Variants in INSR observed in about 807,000 individuals in gnomAD.
INSR encodes the protein IR.
INSR carries 67 observed loss-of-function variants against 142.6 expected under a neutral mutation model. The ratio of observed to expected loss-of-function variants is 0.47; its 90% CI spans 0.39 to 0.58. INSR has a LOEUF of 0.58. INSR is among the 20% of genes least tolerant of loss of function. The pLI, the probability that INSR is intolerant of heterozygous loss-of-function variation, is 0.00. For missense variants in INSR, 1,248 were observed against 1,833.2 expected, an observed-to-expected ratio of 0.68 and a Z score of 5.83; for synonymous variants, 756 against 743.1, an observed-to-expected ratio of 1.02 and a Z score of -0.28.
chr19:7,127,454 A>G (rs1159580864), intron 15 of INSR, among the ~76,000 whole-genome samples: 1 of 152,246 alleles, frequency 6.6e-6, no homozygotes, highest in Non-Finnish European at 1.5e-5. Context: ...ATACATGTTC[A>G]AAACTCATCA....
chr19:7,215,261 T>C (rs2145084541), intron 2 of INSR, among the ~76,000 whole-genome samples: 1 of 152,328 alleles, frequency 6.6e-6, no homozygotes, highest in Admixed American at 6.5e-5. Context: ...CTTGCCCAGA[T>C]GGTCAAATGC....
chr19:7,129,046 C>T (rs1972714947), intron 14 of INSR, 92 bp from the exon 15 acceptor site: 1 of 920,914 alleles, frequency 1.1e-6, no homozygotes, highest in Non-Finnish European at 1.8e-6. Flanking sequence ...AATGGGTGGG[C>T]CACCCTGTTC....
intron 9 of INSR, among the ~76,000 whole-genome samples, chr19:7,156,522 C>A (rs1973596482): frequency 6.6e-6 from 1 of 152,010 alleles, no homozygotes; most frequent in African/African-American, 2.4e-5. Context: ...CCTCCTGGAG[C>A]ATGGAATGGG....
chr19:7,241,577 G>A lies in INSR; in HGVS notation c.652+25768C>T, dbSNP rs539788819. Among the ~76,000 whole-genome samples, 9 of 152,188 alleles carry A rather than the reference G, an allele frequency of 5.9e-5. No homozygotes were observed. The South Asian group carries it at 1.2e-3, about 21-fold the overall frequency. On this transcript the variant is annotated intron_variant, in intron 2 of 21. Coordinates refer to ENST00000302850, the MANE Select transcript of INSR (RefSeq NM_000208.4). ...GCAGAGGTTGCAGTGAGCTGAGATCGTGCCAGTGCACTCCAGCCTGGGCGA... is the reference window on the plus strand; with the variant it reads ...GCAGAGGTTGCAGTGAGCTGAGATCATGCCAGTGCACTCCAGCCTGGGCGA...
chr19:7,293,793 C>T lies in INSR; in HGVS notation c.99G>A (p.Glu33=). The change falls in exon 1 of 22, where the codon GAG becomes GAA. Residue 33 remains glutamate (E), a splice_region_variant and synonymous_variant. Coordinates refer to ENST00000302850, the MANE Select transcript of INSR (RefSeq NM_000208.4). ...LGAAGHLYPG[E]VCPGMDIRNN... Reference sequence around the variant, plus strand: ...CCACGCCCGCGCCCCCAGACTCACCCTCTCCGGGGTACAGGTGGCCCGCGG... The same window carrying T: ...CCACGCCCGCGCCCCCAGACTCACCTTCTCCGGGGTACAGGTGGCCCGCGG... 4 of 1,361,180 alleles carry T rather than the reference C, an allele frequency of 2.9e-6. No individual in the cohort carries two copies. Among genetic ancestry groups the T allele is most frequent in the African/African-American group, 1.5e-5 (1 of 66,728 alleles). The allele number at this position is 1,361,180 out of a possible 1,614,324, so 84.3% of individuals were successfully genotyped here. A position where few individuals can be genotyped will look rare whatever the true frequency, so the allele number is the denominator to read the frequency against.
intron 11 of INSR, among the ~76,000 whole-genome samples, chr19:7,143,987 G>A (rs377542179): frequency 5.3e-4 from 80 of 151,638 alleles, no homozygotes; most frequent in African/African-American, 1.7e-3. Context: ...CCCGGGAGGC[G>A]GAGGTTGCAG....
At chr19:7,261,084 C>G (rs1298768119) in intron 2 of INSR, among the ~76,000 whole-genome samples, 1 of 151,906 alleles carries the variant, frequency 6.6e-6, no homozygotes, top group Non-Finnish European at 1.5e-5. Flanking sequence ...GACGGGGTTT[C>G]TCCATGTTGC....
In INSR at chr19:7,194,480, T is replaced by A. The variant is rs563221958; in HGVS notation, c.653-9843A>T. Among the ~76,000 whole-genome samples, 22 of 150,168 alleles carry A rather than the reference T, an allele frequency of 1.5e-4. No individual in the cohort carries two copies. The East Asian group carries it at 3.3e-3, about 23-fold the overall frequency. On this transcript the variant is annotated intron_variant, in intron 2 of 21. Coordinates refer to ENST00000302850, the MANE Select transcript of INSR (RefSeq NM_000208.4). ...ATCAATATGGGGCTCAGGGGTGAAG[T>A]GTGGAGTGTGTTTTAATAATAGCTT...
intron 2 of INSR, among the ~76,000 whole-genome samples, chr19:7,224,252 T>TG (rs1267084562): frequency 6.6e-6 from 1 of 150,412 alleles, no homozygotes; most frequent in East Asian, 2.0e-4. Context: ...AATTTTTTTT[T>TG]TTTTTTTTTT....
chr19:7,289,001 G>C (rs1052555372), intron 1 of INSR, among the ~76,000 whole-genome samples: 2 of 149,610 alleles, frequency 1.3e-5, no homozygotes, highest in Non-Finnish European at 1.5e-5. Flanking sequence ...AGGAAACACT[G>C]ACCCTCTGGG....
At chr19:7,213,205 G>A (rs373894839) in intron 2 of INSR, among the ~76,000 whole-genome samples, 11 of 151,958 alleles carry the variant, frequency 7.2e-5, no homozygotes, top group Non-Finnish European at 5.9e-5. Context: ...TTAGCTGGGC[G>A]TGGTGGAGCA....
At chr19:7,126,896 T>C (rs1262097526) in intron 15 of INSR, among the ~76,000 whole-genome samples, 2 of 151,978 alleles carry the variant, frequency 1.3e-5, no homozygotes, top group African/African-American at 4.8e-5. Context: ...TTTGTTTTGT[T>C]TTTGTTTTTG....
chr19:7,128,167 A>G (rs1226747387), intron 15 of INSR, among the ~76,000 whole-genome samples: 1 of 151,614 alleles, frequency 6.6e-6, no homozygotes, highest in Non-Finnish European at 1.5e-5. Flanking sequence ...CAAAGACGTC[A>G]CTCATATCAC....
chr19:7,157,452 A>G (rs1443424370), intron 9 of INSR, among the ~76,000 whole-genome samples: 14 of 119,116 alleles, frequency 1.2e-4, no homozygotes, highest in African/African-American at 4.6e-4. Flanking sequence ...TGGTAGAGAC[A>G]GAGTTTTGCT....
rs80161039 is a variant in INSR at position 7,125,678 on chromosome 19, C to T, written c.3014-151G>A. The T allele has an allele frequency of 5.5e-5, 57 of 1,030,972 alleles. No homozygotes were observed. Among genetic ancestry groups the T allele is most frequent in the East Asian group, 2.0e-4 (8 of 39,118 alleles). 63.9% of individuals were successfully genotyped at this position (1,030,972 alleles called of 1,614,324 possible). Reference sequence around the variant, plus strand: ...CCATGCCGGGCACTGGGCATATGGCCGAGAACAGGACAGGCATCTGCACCC... The same window carrying T: ...CCATGCCGGGCACTGGGCATATGGCTGAGAACAGGACAGGCATCTGCACCC... On this transcript the variant is annotated intron_variant, in intron 16 of 21. Coordinates refer to ENST00000302850, the MANE Select transcript of INSR (RefSeq NM_000208.4). The surrounding 1 kb of genome is among the most constrained non-coding windows in gnomAD (Gnocchi z 4.9).
chr19:7,219,967 A>C (rs1419378988), intron 2 of INSR, among the ~76,000 whole-genome samples: 3 of 152,106 alleles, frequency 2.0e-5, no homozygotes, highest in Non-Finnish European at 4.4e-5. Flanking sequence ...ATCTTATGGA[A>C]CCTTCTGGGG....
chr19:7,251,179 AAATGT>A (rs1224534629), intron 2 of INSR, among the ~76,000 whole-genome samples: 1 of 146,616 alleles, frequency 6.8e-6, no homozygotes, highest in Non-Finnish European at 1.5e-5. Context: ...AGACATTGCC[AAATGT>A]CCCCTGGGAG....
rs1973711689 is a variant in INSR at position 7,160,223 on chromosome 19, C to CAT, written c.2029+2808_2029+2809insAT. Among the ~76,000 whole-genome samples the CAT allele has an allele frequency of 5.3e-5, 8 of 152,106 alleles. No homozygotes were observed. In the South Asian group the frequency reaches 1.7e-3, roughly 32 times the overall value. The stretch of plus-strand genomic sequence containing the variant: ...AGGCTGGAGTGCAATGGTGCAAGCT[C>CAT]GGCTCATTGCAACCTCCACCTCCCG... On this transcript the variant is annotated intron_variant, in intron 9 of 21. Transcript: ENST00000302850.
At chr19:7,153,365 C>CG in intron 9 of INSR, among the ~76,000 whole-genome samples, 1 of 16,558 alleles carries the variant, frequency 6.0e-5, no homozygotes, top group African/African-American at 1.2e-4. Context: ...ACACCACACA[C>CG]CCCACACACA....
Sources: gnomAD v4.1 joint callset for allele counts (sites outside exome capture counted in the v4.1 genomes callset) on GRCh38, gnomAD v4.1.1 for gene constraint, Gnocchi (gnomAD v3.1) non-coding constraint, MANE v1.5 for transcripts, NCBI Gene and HGNC (gene_info 2026-07-23, HGNC 2026-07-21) for gene names.